The following WDR20 variants were observed in gnomAD, a reference collection of about 807,000 sequenced individuals.
WDR20 encodes WD repeat domain 20.
A neutral mutation model predicts 38.7 loss-of-function variants in WDR20; 3 were observed. The ratio of observed to expected loss-of-function variants is 0.08; its 90% CI spans 0.04 to 0.20. WDR20 has a LOEUF of 0.20. Ranked by LOEUF, WDR20 falls within the 10% of genes least tolerant of loss-of-function variation. WDR20 has a pLI of 1.00. For synonymous variants in WDR20, 298 were observed against 285.6 expected (o/e 1.04, Z -0.44); for missense variants, 559 against 727.7 (o/e 0.77, Z 2.67).
At position 102,196,462 on chromosome 14, in the gene WDR20, T is replaced by C. The variant is rs149815445; in HGVS notation, c.432+1342T>C. ...AGCAGCGCACAAAATTGGCCTCCTCTGCACTGTTAGCAGAAATTGTGAATT... is the reference window on the plus strand; with the variant it reads ...AGCAGCGCACAAAATTGGCCTCCTCCGCACTGTTAGCAGAAATTGTGAATT... On this transcript the variant is annotated intron_variant, in intron 2 of 2. Coordinates refer to ENST00000342702, the MANE Select transcript of WDR20 (RefSeq NM_144574.4). Among the ~76,000 whole-genome samples, 388 of 152,340 alleles carry C rather than the reference T, an allele frequency of 2.5e-3. 4 individuals carry two copies. Among genetic ancestry groups the C allele is most frequent in the African/African-American group, 8.8e-3 (367 of 41,568 alleles).
intron 1 of WDR20, among the ~76,000 whole-genome samples, chr14:102,147,182 G>A (rs557439404): frequency 2.0e-4 from 31 of 152,238 alleles, no homozygotes; most frequent in South Asian, 1.9e-3. Context: ...ATCATCTGGG[G>A]TTAGGAGTTC....
chr14:102,222,747 T>G lies in WDR20; in HGVS notation c.1693-83T>G. The stretch of plus-strand genomic sequence containing the variant: ...ATCAACAGCACCAGTTTTGACCACG[T>G]GGAGCTGCTGGCGGAGGGCGCGCAT... On this transcript the variant is annotated intron_variant, in intron 3 of 3. Transcript: ENST00000335263. This position sits in a 1 kb window ranked among gnomAD's most constrained non-coding sequence, Gnocchi z 4.4. 9 of 1,492,066 alleles carry G rather than the reference T, an allele frequency of 6.0e-6. No homozygotes were observed. The highest frequency in any genetic ancestry group is 8.4e-6 in the Non-Finnish European group (9 of 1,071,012). 92.4% of individuals were successfully genotyped at this position (1,492,066 alleles called of 1,614,324 possible). A position where few individuals can be genotyped will look rare whatever the true frequency, so the allele number is the denominator to read the frequency against.
intron 1 of WDR20, among the ~76,000 whole-genome samples, chr14:102,190,243 C>T (rs1467687668): frequency 6.6e-6 from 1 of 152,112 alleles, no homozygotes; most frequent in Admixed American, 6.5e-5. Flanking sequence ...TGTAAAGTTC[C>T]TGGTGCAGGC....
At chr14:102,206,779 C>T (rs1052453887) in intron 2 of WDR20, among the ~76,000 whole-genome samples, 1 of 152,128 alleles carries the variant, frequency 6.6e-6, no homozygotes, top group African/African-American at 2.4e-5. Flanking sequence ...CTGGGGTAGT[C>T]TGGGCCCAGT....
intron 1 of WDR20, among the ~76,000 whole-genome samples, chr14:102,166,172 G>T (rs2059747197): frequency 6.8e-6 from 1 of 147,150 alleles, no homozygotes; most frequent in Non-Finnish European, 1.5e-5. Flanking sequence ...GCAGAGACCG[G>T]GTTTTGCCGT....
rs1212768764 is a variant in WDR20, at chr14:102,222,282, G to A, written c.1693-548G>A. On this transcript the variant is annotated intron_variant, in intron 3 of 3. Coordinates refer to the WDR20 transcript ENST00000335263. The surrounding 1 kb of genome is among the most constrained non-coding windows in gnomAD (Gnocchi z 4.4). ...CTGGGCCCTGCTGTCTCTACCTGTG[G>A]GGCCTACACATGTGGACAGCTACAG... is the stretch of plus-strand genomic sequence containing the variant. 6.6e-6 allele frequency among the ~76,000 whole-genome samples: 1 copy of A among 152,156 alleles called. No individual in the cohort carries two copies. Among genetic ancestry groups the A allele is most frequent in the Non-Finnish European group, 1.5e-5 (1 of 68,036 alleles).
chr14:102,180,948 A>C (rs2152877978), intron 1 of WDR20, among the ~76,000 whole-genome samples: 1 of 152,282 alleles, frequency 6.6e-6, no homozygotes, highest in East Asian at 1.9e-4. Flanking sequence ...GCTGCATGGC[A>C]AAGGGATGAT....
chr14:102,183,060 CAG>C (rs769339832), intron 1 of WDR20, among the ~76,000 whole-genome samples: 1 of 151,822 alleles, frequency 6.6e-6, no homozygotes, highest in African/African-American at 2.4e-5. Context: ...CTCTCCGTCT[CAG>C]AGAGAGAGAA....
In WDR20 at chr14:102,222,730, C is replaced by A; in HGVS notation, c.1693-100C>A. On this transcript the variant is annotated intron_variant, in intron 3 of 3. Coordinates refer to the WDR20 transcript ENST00000335263. The surrounding 1 kb of genome is among the most constrained non-coding windows in gnomAD (Gnocchi z 4.4). The stretch of plus-strand genomic sequence containing the variant: ...CCCACACTGGCTTCCACATCAACAG[C>A]ACCAGTTTTGACCACGTGGAGCTGC... 2 of 1,274,074 alleles carry A rather than the reference C, an allele frequency of 1.6e-6. No homozygotes were observed. The highest frequency in any genetic ancestry group is 2.3e-6 in the Non-Finnish European group (2 of 875,608). The allele number at this position is 1,274,074 out of a possible 1,614,324, so 78.9% of individuals were successfully genotyped here.
intron 1 of WDR20, 115 bp from the exon 2 acceptor site, chr14:102,194,823 T>C: frequency 8.3e-7 from 1 of 1,199,120 alleles, no homozygotes; most frequent in African/African-American, 1.5e-5. Flanking sequence ...GAAAAAACAT[T>C]TTAAATCACT....
chr14:102,154,772 C>G (rs2056970133), intron 1 of WDR20, among the ~76,000 whole-genome samples: 1 of 152,052 alleles, frequency 6.6e-6, no homozygotes, highest in South Asian at 2.1e-4. Flanking sequence ...TGTTTGTATG[C>G]TATCCTTGAT....
intron 1 of WDR20, among the ~76,000 whole-genome samples, chr14:102,163,784 A>G (rs903869195): frequency 1.3e-5 from 2 of 152,050 alleles, no homozygotes; most frequent in African/African-American, 4.8e-5. Flanking sequence ...GCCTGAAACT[A>G]GCTTTGTTTG....
chr14:102,144,774 G>T (rs1330749637), intron 1 of WDR20, among the ~76,000 whole-genome samples: 1 of 151,578 alleles, frequency 6.6e-6, no homozygotes, highest in Non-Finnish European at 1.5e-5. Context: ...TGTGATCTTG[G>T]CTCACTGCAA....
rs749978371 is a variant in WDR20, at chr14:102,208,810, C to T, written c.640C>T (p.Leu214Phe). 4.3e-6 allele frequency: 7 copies of T among 1,614,114 alleles called. No homozygotes were observed. The East Asian group carries it at 1.6e-4, about 36-fold the overall frequency. Residue 214 changes from leucine (L) to phenylalanine (F), a missense_variant, in exon 3 of 3, where the codon CTT becomes TTT. Transcript: ENST00000342702. This position sits in a 1 kb window ranked among gnomAD's most constrained non-coding sequence, Gnocchi z 5.6. ...GAGCAAATCCACGAGGAACCCTCTC[C>T]TTAAGTGGACGGTGGGCGAGGGGGC... is the stretch of plus-strand genomic sequence containing the variant. ...CKSKSTRNPL[L>F]KWTVGEGALN...
At chr14:102,194,902 CT>C (rs755413108) in intron 1 of WDR20, 35 bp from the exon 2 acceptor site, 38 of 1,592,378 alleles carry the variant, frequency 2.4e-5, no homozygotes, top group Non-Finnish European at 8.6e-7. Flanking sequence ...TCTCAATGTG[CT>C]GTTTACTGTA....
intron 1 of WDR20, among the ~76,000 whole-genome samples, chr14:102,141,741 C>T (rs773491043): frequency 6.6e-6 from 1 of 152,152 alleles, no homozygotes; most frequent in South Asian, 2.1e-4. Flanking sequence ...TACTGACTGT[C>T]AAATAAGAAG....
chr14:102,147,833 C>T (rs1436048708), intron 1 of WDR20, among the ~76,000 whole-genome samples: 1 of 152,178 alleles, frequency 6.6e-6, no homozygotes, highest in Non-Finnish European at 1.5e-5. Flanking sequence ...CGGGTTCAAG[C>T]CATTCGCAGG....
At chr14:102,214,278 G>T, downstream of WDR20, 1 of 985,568 alleles carries the variant, frequency 1.0e-6, no homozygotes, top group East Asian at 1.1e-4. Flanking sequence ...CTTCGCCACG[G>T]GCTGATTGGG....
At chr14:102,214,276 C>T, downstream of WDR20, 6 of 985,564 alleles carry the variant, frequency 6.1e-6, no homozygotes, top group Non-Finnish European at 7.2e-6. Flanking sequence ...CCCTTCGCCA[C>T]GGGCTGATTG....
Sources: allele counts gnomAD v4.1 joint callset (sites outside exome capture counted in the v4.1 genomes callset), GRCh38; gene constraint gnomAD v4.1.1; non-coding constraint Gnocchi (gnomAD v3.1); transcripts MANE v1.5; gene names NCBI Gene and HGNC (gene_info 2026-07-23, HGNC 2026-07-21).